FOXRED1: variants seen among roughly 807,000 people sequenced by gnomAD.
The protein encoded by FOXRED1 is FAD dependent oxidoreductase domain containing 1.
Under a neutral mutation model 57.8 loss-of-function variants are expected in FOXRED1, and 52 were observed. That is an observed-to-expected ratio of 0.90 (90% confidence interval 0.72 to 1.13). The LOEUF is 1.13. Among genes scored for constraint, FOXRED1 ranks in the 50% most tolerant of loss-of-function variants. The pLI is 0.00. For missense variants in FOXRED1, 589 were observed against 625.2 expected (o/e 0.94, Z 0.62); for synonymous variants, 271 against 248.3 (o/e 1.09, Z -0.86).
At position 126,276,226 on chromosome 11, in the gene FOXRED1, GC is replaced by G. The variant is rs781541770; in HGVS notation, c.971+10del. On this transcript the variant is annotated splice_region_variant and intron_variant, in intron 8 of 10. Transcript: ENST00000263578. ...CTGTGGAGCCGAGGAAAAGGTAACT[GC>G]CCTCCGGACAGCTGAGGAGGTTGGT... The G allele has an allele frequency of 6.3e-7, 1 of 1,596,726 alleles. No individual in the cohort carries two copies. Among genetic ancestry groups the G allele is most frequent in the Admixed American group, 1.8e-5 (1 of 57,034 alleles).
chr11:126,270,513 T>G (rs1381696169), intron 1 of FOXRED1, among the ~76,000 whole-genome samples: 1 of 152,160 alleles, frequency 6.6e-6, no homozygotes, highest in African/African-American at 2.4e-5. Context: ...CAGGAAAGGC[T>G]TTCCCAAGCA....
intron 1 of FOXRED1, among the ~76,000 whole-genome samples, chr11:126,270,288 G>T (rs1950946367): frequency 6.6e-6 from 1 of 152,234 alleles, no homozygotes. Context: ...TTCCAGTGCT[G>T]CTGAGAAGAG....
In FOXRED1 at chr11:126,275,035, G is replaced by C. The variant is rs1389836022; in HGVS notation, c.631+14G>C. Reference sequence around the variant, plus strand: ...TGGCGTCTTATGGTGAGGCTTGCTTGCAGAGGGGACAGCTTTTTTCCTGAA... The same window carrying C: ...TGGCGTCTTATGGTGAGGCTTGCTTCCAGAGGGGACAGCTTTTTTCCTGAA... On this transcript the variant is annotated intron_variant, in intron 5 of 10. Coordinates refer to ENST00000263578, the MANE Select transcript of FOXRED1 (RefSeq NM_017547.4). The surrounding 1 kb of genome is among the most constrained non-coding windows in gnomAD (Gnocchi z 5.9). 1 of 1,565,950 alleles carries C rather than the reference G, an allele frequency of 6.4e-7. No individual in the cohort carries two copies. Among genetic ancestry groups the C allele is most frequent in the South Asian group, 1.1e-5 (1 of 90,216 alleles).
At position 126,271,703 on chromosome 11, in the gene FOXRED1, G is replaced by T. The variant is rs1358139107; in HGVS notation, c.306+46G>T. 5 of 1,474,864 alleles carry T rather than the reference G, an allele frequency of 3.4e-6. No individual in the cohort carries two copies. In the East Asian group the frequency reaches 9.0e-5, roughly 27 times the overall value. The allele number at this position is 1,474,864 out of a possible 1,614,324, so 91.4% of individuals were successfully genotyped here. ...GAGTCATGAGTGGGGCAAGAAAGAT[G>T]ACTCATTTTATTAAGGACTCTAGCG... On this transcript the variant is annotated intron_variant, in intron 2 of 10. Transcript: ENST00000263578. The surrounding 1 kb of genome is among the most constrained non-coding windows in gnomAD (Gnocchi z 5.3).
Position 126,275,085 on chromosome 11 carries a change from G to A in FOXRED1, c.631+64G>A, listed in dbSNP as rs967796252. The A allele has an allele frequency of 4.7e-5, 53 of 1,128,366 alleles. No homozygotes were observed. Among genetic ancestry groups the A allele is most frequent in the South Asian group, 1.7e-4 (14 of 80,878 alleles). The allele number at this position is 1,128,366 out of a possible 1,614,324, so 69.9% of individuals were successfully genotyped here. A position where few individuals can be genotyped will look rare whatever the true frequency, so the allele number is the denominator to read the frequency against. ...AGATGGAGACTAAGGGGTGCTACAC[G>A]TTGGGAGTCTCGGTACTCCACAGCC... On this transcript the variant is annotated intron_variant, in intron 5 of 10. Transcript: ENST00000263578. The surrounding 1 kb of genome is among the most constrained non-coding windows in gnomAD (Gnocchi z 5.9).
chr11:126,275,582 G>A lies in FOXRED1; in HGVS notation c.733+154G>A, dbSNP rs188022599. 1,103 of 732,208 alleles carry A rather than the reference G, an allele frequency of 1.5e-3. 3 individuals carry two copies. Among genetic ancestry groups the A allele is most frequent in the African/African-American group, 0.015 (852 of 57,596 alleles). The allele number at this position is 732,208 out of a possible 1,614,324, so 45.4% of individuals were successfully genotyped here. On this transcript the variant is annotated intron_variant, in intron 6 of 10. Coordinates refer to ENST00000263578, the MANE Select transcript of FOXRED1 (RefSeq NM_017547.4). This position sits in a 1 kb window ranked among gnomAD's most constrained non-coding sequence, Gnocchi z 5.9. ...TGACCTGGGCTCCTCACTGATCTGC[G>A]TTGTGACTTGTGATCTGCTTGATGA... is the stretch of plus-strand genomic sequence containing the variant.
rs949516311 is a variant in FOXRED1 at position 126,272,455 on chromosome 11, G to A, written c.307-514G>A. Reference sequence around the variant, plus strand: ...CCACAGGCATGCACCACCACACCTGGCTAATTTCTGTATTTTTTGTAGAAA... The same window carrying A: ...CCACAGGCATGCACCACCACACCTGACTAATTTCTGTATTTTTTGTAGAAA... On this transcript the variant is annotated intron_variant, in intron 2 of 10. Coordinates refer to ENST00000263578, the MANE Select transcript of FOXRED1 (RefSeq NM_017547.4). The surrounding 1 kb of genome is among the most constrained non-coding windows in gnomAD (Gnocchi z 4.6). 8.4e-6 allele frequency: 2 copies of A among 237,366 alleles called. No homozygotes were observed. The highest frequency in any genetic ancestry group is 1.7e-5 in the Non-Finnish European group (2 of 119,684). The allele number at this position is 237,366 out of a possible 1,614,324, so 14.7% of individuals were successfully genotyped here.
rs75974730 is a variant in FOXRED1 at position 126,273,752 on chromosome 11, A to G, written c.536+298A>G. The G allele has an allele frequency of 1.3e-3, 580 of 430,070 alleles. 2 individuals are homozygous for G. The highest frequency in any genetic ancestry group is 9.2e-3 in the African/African-American group (459 of 49,974). 26.6% of individuals were successfully genotyped at this position (430,070 alleles called of 1,614,324 possible). ...AAGGAGCCCACAAATCTGGGTTTTT[A>G]ACAAGAACCTTAAGTCAGGAGTTAG... On this transcript the variant is annotated intron_variant, in intron 4 of 10. Transcript: ENST00000263578. The surrounding 1 kb of genome is among the most constrained non-coding windows in gnomAD (Gnocchi z 5.9).
intron 9 of FOXRED1, 62 bp downstream of exon 9, chr11:126,276,585 C>T: frequency 6.4e-7 from 1 of 1,570,720 alleles, no homozygotes; most frequent in South Asian, 1.1e-5. Context: ...ACGAAACAAT[C>T]AGGCTTTTGG....
At chr11:126,270,073 A>G (rs987195227) in intron 1 of FOXRED1, among the ~76,000 whole-genome samples, 6 of 151,618 alleles carry the variant, frequency 4.0e-5, no homozygotes, top group African/African-American at 1.5e-4. Flanking sequence ...AAGTACATGG[A>G]GCAGGTGGGA....
Position 126,276,613 on chromosome 11 carries a change from T to C in FOXRED1, c.1101+90T>C. On this transcript the variant is annotated intron_variant, in intron 9 of 10. Coordinates refer to ENST00000263578, the MANE Select transcript of FOXRED1 (RefSeq NM_017547.4). ...GCTTTTGGCCAGGCACAGTAGCTCA[T>C]GCCTGTAATCTTGGCATTTTGGGAG... The C allele has an allele frequency of 2.8e-6, 4 of 1,451,252 alleles. No individual in the cohort carries two copies. In the South Asian group the frequency reaches 3.4e-5, roughly 12 times the overall value. The allele number at this position is 1,451,252 out of a possible 1,614,324, so 89.9% of individuals were successfully genotyped here. A position where few individuals can be genotyped will look rare whatever the true frequency, so the allele number is the denominator to read the frequency against.
intron 7 of FOXRED1, 36 bp from the exon 8 acceptor site, chr11:126,276,023 C>T (rs779189406): frequency 1.8e-5 from 29 of 1,612,214 alleles, no homozygotes; most frequent in South Asian, 7.7e-5. Flanking sequence ...GTGTGTGGTC[C>T]GGGCCTTCCC....
At position 126,271,287 on chromosome 11, in the gene FOXRED1, G is replaced by A. The variant is rs1950977967; in HGVS notation, c.86-150G>A. 1 of 693,756 alleles carries A rather than the reference G, an allele frequency of 1.4e-6. No individual in the cohort carries two copies. Among genetic ancestry groups the A allele is most frequent in the Non-Finnish European group, 2.6e-6 (1 of 379,550 alleles). The allele number at this position is 693,756 out of a possible 1,614,324, so 43.0% of individuals were successfully genotyped here. A position where few individuals can be genotyped will look rare whatever the true frequency, so the allele number is the denominator to read the frequency against. The stretch of plus-strand genomic sequence containing the variant: ...TTCAGAAAACTGTGGCAACACTGTT[G>A]GGTGCAAGGTGACCTTATGAGATGG... On this transcript the variant is annotated intron_variant, in intron 1 of 10. Transcript: ENST00000263578. This position sits in a 1 kb window ranked among gnomAD's most constrained non-coding sequence, Gnocchi z 5.3.
In FOXRED1 at chr11:126,275,962, C is replaced by T; in HGVS notation, c.810+92C>T. On this transcript the variant is annotated intron_variant, in intron 7 of 10. Transcript: ENST00000263578. This position sits in a 1 kb window ranked among gnomAD's most constrained non-coding sequence, Gnocchi z 5.9. ...TTTTGGTTTTCTTTGACCCACTTTC[C>T]AGTATGGGTAAACTAAGGCTCAGGA... 6.4e-7 allele frequency: 1 copy of T among 1,571,910 alleles called. No homozygotes were observed. Among genetic ancestry groups the T allele is most frequent in the Non-Finnish European group, 8.8e-7 (1 of 1,142,246 alleles).
chr11:126,271,905 C>A lies in FOXRED1; in HGVS notation c.306+248C>A. On this transcript the variant is annotated intron_variant, in intron 2 of 10. Coordinates refer to ENST00000263578, the MANE Select transcript of FOXRED1 (RefSeq NM_017547.4). The surrounding 1 kb of genome is among the most constrained non-coding windows in gnomAD (Gnocchi z 5.3). Reference sequence around the variant, plus strand: ...CACCATATTGGATTTTTCGAGATCTCATAGCTCTGGTCATGAGAGCCTGCA... The same window carrying A: ...CACCATATTGGATTTTTCGAGATCTAATAGCTCTGGTCATGAGAGCCTGCA... 2.1e-6 allele frequency: 1 copy of A among 486,056 alleles called. No homozygotes were observed. The highest frequency in any genetic ancestry group is 3.8e-6 in the Non-Finnish European group (1 of 264,034). 30.1% of individuals were successfully genotyped at this position (486,056 alleles called of 1,614,324 possible).
chr11:126,269,344 C>T (rs762229626), intron 1 of FOXRED1, 53 bp downstream of exon 1: 2 of 1,613,696 alleles, frequency 1.2e-6, no homozygotes, highest in South Asian at 2.2e-5. Context: ...CCCCAACCTC[C>T]GACTGTGTGT....
chr11:126,271,571 C>A lies in FOXRED1; in HGVS notation c.220C>A (p.Leu74Ile). ...TGTGGTGATCGTGGGAGGTGGGGTG[C>A]TTGGCTTGTCTGTGGCCTATTGGCT... Reference protein sequence around the residue: ...SDVVIVGGGVLGLSVAYWLKK... With the variant: ...SDVVIVGGGVIGLSVAYWLKK... The change falls in exon 2 of 11, where the codon CTT (leucine) becomes ATT (isoleucine). Residue 74 changes from leucine to isoleucine, a missense_variant. Coordinates refer to ENST00000263578, the MANE Select transcript of FOXRED1 (RefSeq NM_017547.4). This position sits in a 1 kb window ranked among gnomAD's most constrained non-coding sequence, Gnocchi z 5.3. 1.2e-6 allele frequency: 2 copies of A among 1,614,200 alleles called. No individual in the cohort carries two copies. Among genetic ancestry groups the A allele is most frequent in the African/African-American group, 1.3e-5 (1 of 75,034 alleles).
In FOXRED1 at chr11:126,271,832, C is replaced by T. The variant is rs1243647498; in HGVS notation, c.306+175C>T. ...AAATTTTCCTAGGATCTTCCTCAGT[C>T]GAACCAGGAAGCTTGGCAATAAGGT... is the stretch of plus-strand genomic sequence containing the variant. On this transcript the variant is annotated intron_variant, in intron 2 of 10. Transcript: ENST00000263578. This position sits in a 1 kb window ranked among gnomAD's most constrained non-coding sequence, Gnocchi z 5.3. 2.0e-5 allele frequency: 13 copies of T among 647,584 alleles called. No homozygotes were observed. Among genetic ancestry groups the T allele is most frequent in the South Asian group, 6.7e-5 (4 of 59,812 alleles). 40.1% of individuals were successfully genotyped at this position (647,584 alleles called of 1,614,324 possible). A position where few individuals can be genotyped will look rare whatever the true frequency, so the allele number is the denominator to read the frequency against.
chr11:126,271,763 C>T lies in FOXRED1; in HGVS notation c.306+106C>T, dbSNP rs1009664448. 1.8e-5 allele frequency: 17 copies of T among 922,470 alleles called. No homozygotes were observed. In the Admixed American group the frequency reaches 1.9e-4, roughly 10 times the overall value. 57.1% of individuals were successfully genotyped at this position (922,470 alleles called of 1,614,324 possible). A position where few individuals can be genotyped will look rare whatever the true frequency, so the allele number is the denominator to read the frequency against. ...GGAGAGGAGGGGAAGACCTCAATCT[C>T]GGAGGGTCCAACGGACAGAGATTGT... is the stretch of plus-strand genomic sequence containing the variant. On this transcript the variant is annotated intron_variant, in intron 2 of 10. Coordinates refer to ENST00000263578, the MANE Select transcript of FOXRED1 (RefSeq NM_017547.4). This position sits in a 1 kb window ranked among gnomAD's most constrained non-coding sequence, Gnocchi z 5.3.
Sources: allele counts gnomAD v4.1 joint callset (sites outside exome capture counted in the v4.1 genomes callset), GRCh38; gene constraint gnomAD v4.1.1; non-coding constraint Gnocchi (gnomAD v3.1); transcripts MANE v1.5; gene names NCBI Gene and HGNC (gene_info 2026-07-23, HGNC 2026-07-21).